Variants in FOXM1 observed in about 807,000 individuals in gnomAD.
FOXM1 encodes the protein forkhead box M1.
In FOXM1, 25 loss-of-function variants were observed where a neutral mutation model predicts 63.6. That is an observed-to-expected ratio of 0.39 (90% CI 0.29 to 0.55). The LOEUF (loss-of-function observed/expected upper bound fraction) is 0.55. FOXM1 is among the 20% of genes least tolerant of loss of function. FOXM1 has a pLI of 0.60. For missense variants in FOXM1, 879 were observed against 958.7 expected, an observed-to-expected ratio of 0.92 and a Z score of 1.10; for synonymous variants, 387 against 376.9, an observed-to-expected ratio of 1.03 and a Z score of -0.31.
intron 8 of FOXM1, among the ~76,000 whole-genome samples, chr12:2,861,888 A>G (rs553611915): frequency 6.6e-6 from 1 of 152,308 alleles, no homozygotes; most frequent in South Asian, 2.1e-4. Flanking sequence ...GTTGAGTTAG[A>G]GACATGTAGA....
chr12:2,874,654 A>T lies in FOXM1; in HGVS notation c.-47-129T>A. On this transcript the variant is annotated intron_variant, in intron 1 of 8. Transcript: ENST00000359843. The surrounding 1 kb of genome is among the most constrained non-coding windows in gnomAD (Gnocchi z 4.3). ...AAAGGCCCAGGTAAACATTCCATGGACTTTTGTAAAGACCTCAGATAATAA... is the reference window on the plus strand; with the variant it reads ...AAAGGCCCAGGTAAACATTCCATGGTCTTTTGTAAAGACCTCAGATAATAA... The T allele has an allele frequency of 1.5e-6, 1 of 650,446 alleles. No homozygotes were observed. The highest frequency in any genetic ancestry group is 2.6e-6 in the Non-Finnish European group (1 of 379,704). The allele number at this position is 650,446 out of a possible 1,614,324, so 40.3% of individuals were successfully genotyped here.
Position 2,861,179 on chromosome 12 carries a change from A to T in FOXM1, c.1267-1516T>A. 1.0e-5 allele frequency: 6 copies of T among 584,352 alleles called. No individual in the cohort carries two copies. The South Asian group carries it at 1.2e-4, about 11-fold the overall frequency. 36.2% of individuals were successfully genotyped at this position (584,352 alleles called of 1,614,324 possible). A position where few individuals can be genotyped will look rare whatever the true frequency, so the allele number is the denominator to read the frequency against. On this transcript the variant is annotated intron_variant, in intron 8 of 8. Transcript: ENST00000359843. ...CAAGACTCCGTCTCAAAAAAAAAAA[A>T]AAAGAGCTCTCACAAATTGATAACA...
chr12:2,862,604 C>T (rs1245541391), intron 8 of FOXM1, among the ~76,000 whole-genome samples: 1 of 152,122 alleles, frequency 6.6e-6, no homozygotes, highest in Non-Finnish European at 1.5e-5. Context: ...GATTATAGCT[C>T]ATTGCAGCCT....
At chr12:2,860,844 G>A (rs1437927923) in intron 8 of FOXM1, among the ~76,000 whole-genome samples, 1 of 145,702 alleles carries the variant, frequency 6.9e-6, no homozygotes, top group Non-Finnish European at 1.5e-5. Context: ...CAGCCTGGGT[G>A]ACATAGCAAG....
chr12:2,868,383 CTCT>C, intron 4 of FOXM1, 177 bp downstream of exon 4: 1 of 507,108 alleles, frequency 2.0e-6, no homozygotes, highest in Non-Finnish European at 3.4e-6. Context: ...AGTTAAGGAG[CTCT>C]TCTTAATGAT....
In FOXM1 at chr12:2,859,454, T is replaced by C. The variant is rs1279035715; in HGVS notation, c.1476A>G (p.Pro492=). Residue 492 remains proline, a synonymous_variant, in exon 9 of 9, where the codon CCA becomes CCG. Transcript: ENST00000359843. Reference sequence around the variant, plus strand: ...AGTGAGATGATTCCTCTTTGAAAGATGGGGCCGGGGAGGGCCACTCTTCCA... The same window carrying C: ...AGTGAGATGATTCCTCTTTGAAAGACGGGGCCGGGGAGGGCCACTCTTCCA... ...PPLEEWPSPA[P]SFKEESSHSW... is the part of the protein sequence containing the mutation. 1 of 1,613,910 alleles carries C rather than the reference T, an allele frequency of 6.2e-7. No homozygotes were observed. Among genetic ancestry groups the C allele is most frequent in the South Asian group, 1.1e-5 (1 of 91,070 alleles).
chr12:2,870,217 C>T (rs1322651107), intron 3 of FOXM1, among the ~76,000 whole-genome samples: 1 of 152,040 alleles, frequency 6.6e-6, no homozygotes, highest in East Asian at 1.9e-4. Flanking sequence ...GTCAGGTGAT[C>T]CACTCACCTT....
chr12:2,860,612 G>A (rs1383665386), intron 8 of FOXM1, among the ~76,000 whole-genome samples: 1 of 152,148 alleles, frequency 6.6e-6, no homozygotes, highest in African/African-American at 2.4e-5. Flanking sequence ...GGTGGCTCAC[G>A]CCTGTAATCC....
chr12:2,870,750 G>T (rs1309835647), intron 3 of FOXM1, among the ~76,000 whole-genome samples: 2 of 141,908 alleles, frequency 1.4e-5, no homozygotes, highest in South Asian at 4.5e-4. Context: ...CACGAGGTCA[G>T]GAGTTCAAGA....
chr12:2,866,916 G>A (rs1247863472), intron 4 of FOXM1, among the ~76,000 whole-genome samples: 1 of 152,212 alleles, frequency 6.6e-6, no homozygotes, highest in Non-Finnish European at 1.5e-5. Flanking sequence ...ACTGTGGGAG[G>A]CCAAGGTGAG....
At chr12:2,863,138 G>A (rs1342898344) in intron 8 of FOXM1, among the ~76,000 whole-genome samples, 14 of 152,122 alleles carry the variant, frequency 9.2e-5, no homozygotes, top group African/African-American at 3.1e-4. Context: ...GGATTGCCGC[G>A]CCTGTGGTGG....
At chr12:2,875,891 G>A (rs980233152) in intron 1 of FOXM1, among the ~76,000 whole-genome samples, 24 of 150,698 alleles carry the variant, frequency 1.6e-4, no homozygotes, top group South Asian at 8.4e-4. Flanking sequence ...CTCCCGAGTA[G>A]CTGCAATTAC....
At chr12:2,860,982 G>C (rs1213305963) in intron 8 of FOXM1, among the ~76,000 whole-genome samples, 2 of 151,684 alleles carry the variant, frequency 1.3e-5, no homozygotes, top group African/African-American at 4.8e-5. Context: ...GCCTGGCCAA[G>C]ATGGTGAAAC....
At chr12:2,861,180 AAAG>A in intron 8 of FOXM1, 3 of 585,740 alleles carry the variant, frequency 5.1e-6, no homozygotes, top group Admixed American at 3.1e-5. Flanking sequence ...AAAAAAAAAA[AAAG>A]AGCTCTCACA....
intron 8 of FOXM1, among the ~76,000 whole-genome samples, chr12:2,862,098 G>A (rs889486137): frequency 6.6e-6 from 1 of 151,356 alleles, no homozygotes; most frequent in Non-Finnish European, 1.5e-5. Flanking sequence ...AGAATCGCTT[G>A]AACCCAGGAG....
In FOXM1 at chr12:2,874,051, G is replaced by A. The variant is rs2098137816; in HGVS notation, c.428C>T (p.Pro143Leu). Residue 143 changes from proline (P) to leucine (L), a missense_variant, in exon 2 of 9, where the codon CCA (proline) becomes CTA (leucine). By Grantham distance (98) the Pro-to-Leu change is moderately conservative. This residue lies in a region of FOXM1 where 255 missense variants were observed against 292.4 expected (regional missense o/e 0.87). Coordinates refer to ENST00000359843, the MANE Select transcript of FOXM1 (RefSeq NM_021953.4). This position sits in a 1 kb window ranked among gnomAD's most constrained non-coding sequence, Gnocchi z 4.3. ...ATTCACATCCCTAGCTGCAGGTTTTGGTCCCAAGGTCTCCAGGGTCACTTC... is the reference window on the plus strand; with the variant it reads ...ATTCACATCCCTAGCTGCAGGTTTTAGTCCCAAGGTCTCCAGGGTCACTTC... ...RTEVTLETLG[P>L]KPAARDVNLP... 5 of 1,614,106 alleles carry A rather than the reference G, an allele frequency of 3.1e-6. No individual in the cohort carries two copies. In the South Asian group the frequency reaches 5.5e-5, roughly 18 times the overall value.
In FOXM1 at chr12:2,874,186, C is replaced by A. The variant is rs779590168; in HGVS notation, c.293G>T (p.Ser98Ile). The change falls in exon 2 of 9, where the codon AGT becomes ATT. Residue 98 changes from serine (S) to isoleucine (I), a missense_variant. Around this residue, in one of 4 missense-constraint regions of FOXM1, gnomAD observed 255 missense variants for 292.4 expected, o/e 0.87. Coordinates refer to ENST00000359843, the MANE Select transcript of FOXM1 (RefSeq NM_021953.4). The surrounding 1 kb of genome is among the most constrained non-coding windows in gnomAD (Gnocchi z 4.3). ...ITALTAKGKE[S>I]GSSGPNKFIL... ...GAATTTGTTGGGCCCACTACTGCCA[C>A]TCTCTTTTCCCTTGGCAGTCAGTGC... The A allele has an allele frequency of 1.2e-6, 2 of 1,614,210 alleles. No individual in the cohort carries two copies. Among genetic ancestry groups the A allele is most frequent in the Non-Finnish European group, 1.7e-6 (2 of 1,180,042 alleles).
At chr12:2,861,728 T>G (rs1027555083) in intron 8 of FOXM1, among the ~76,000 whole-genome samples, 2 of 152,196 alleles carry the variant, frequency 1.3e-5, no homozygotes, top group Non-Finnish European at 2.9e-5. Flanking sequence ...TGTCGTTCAT[T>G]GGGCAAAATT....
At chr12:2,862,611 G>A (rs914512198) in intron 8 of FOXM1, among the ~76,000 whole-genome samples, 7 of 152,178 alleles carry the variant, frequency 4.6e-5, no homozygotes, top group African/African-American at 1.7e-4. Flanking sequence ...GCTCATTGCA[G>A]CCTCCAGCTC....
Sources: gnomAD v4.1 joint callset for allele counts (sites outside exome capture counted in the v4.1 genomes callset) on GRCh38, gnomAD v4.1.1 for gene constraint, gnomAD v4.1.1 regional missense constraint, Gnocchi (gnomAD v3.1) non-coding constraint, MANE v1.5 for transcripts, NCBI Gene and HGNC (gene_info 2026-07-23, HGNC 2026-07-21) for gene names.